RWDD4: variants seen among roughly 807,000 people sequenced by gnomAD.
The protein encoded by RWDD4 is RWD domain containing 4.
RWDD4 carries 16 observed loss-of-function variants against 30.0 expected under a neutral mutation model. The ratio of observed to expected loss-of-function variants is 0.53; its 90% CI spans 0.36 to 0.81. The LOEUF (loss-of-function observed/expected upper bound fraction) is 0.81, where lower values mean the gene tolerates loss of function less well. Among genes scored for constraint, RWDD4 ranks in the 30% least tolerant of loss-of-function variants. RWDD4 has a pLI of 0.00. For missense variants in RWDD4, 170 were observed against 223.9 expected (o/e 0.76, Z 1.54); for synonymous variants, 45 against 72.1 (o/e 0.62, Z 1.90).
chr4:183,651,064 C>T lies in RWDD4; in HGVS notation c.283G>A (p.Ala95Thr), dbSNP rs772846277. 8.7e-6 allele frequency: 14 copies of T among 1,613,684 alleles called. No homozygotes were observed. Among genetic ancestry groups the T allele is most frequent in the East Asian group, 2.2e-5 (1 of 44,864 alleles). ...QEAVEANLGT[A>T]MTYTLFEYAK... is the part of the protein sequence containing the mutation. ...TATTCAAACAATGTATAGGTCATAG[C>T]GGTTCCAAGATTAGCTTCTACTGCT... Residue 95 changes from alanine to threonine, a missense_variant, in exon 4 of 8, where the codon GCT becomes ACT. Ala to Thr is a moderately conservative substitution (Grantham distance 58). Coordinates refer to ENST00000326397, the MANE Select transcript of RWDD4 (RefSeq NM_152682.4).
At chr4:183,656,214 C>A in intron 1 of RWDD4, 1 of 287,224 alleles carries the variant, frequency 3.5e-6, no homozygotes, top group Non-Finnish European at 6.4e-6. Flanking sequence ...TCAAATCAAC[C>A]CTGTCAAGAG....
rs767892419 is a variant in RWDD4 at position 183,651,355 on chromosome 4, G to A, written c.106-28C>T. On this transcript the variant is annotated intron_variant, in intron 2 of 7. Transcript: ENST00000326397. ...GAAGAGAAGGGGAAATCTTAGGCTT[G>A]TAAAAGGTGATAAAAAGACAGAAAA... 6 of 1,527,468 alleles carry A rather than the reference G, an allele frequency of 3.9e-6. No individual in the cohort carries two copies. The Admixed American group carries it at 1.1e-4, about 27-fold the overall frequency. The allele number at this position is 1,527,468 out of a possible 1,614,324, so 94.6% of individuals were successfully genotyped here.
intron 1 of RWDD4, 130 bp from the exon 2 acceptor site, chr4:183,656,091 ACCAC>A: frequency 1.6e-6 from 1 of 620,610 alleles, no homozygotes; most frequent in South Asian, 2.0e-5. Flanking sequence ...TTAGATACTT[ACCAC>A]ATAGGTGCAT....
At position 183,642,435 on chromosome 4, in the gene RWDD4, C is replaced by T. The variant is rs552328486; in HGVS notation, c.535-967G>A. On this transcript the variant is annotated intron_variant, in intron 7 of 7. Transcript: ENST00000326397. ...CGATCTCCTGACCTCGTGATCCGCCCGCCTCGGCCTCCCAAAGTGCTGGGA... is the reference window on the plus strand; with the variant it reads ...CGATCTCCTGACCTCGTGATCCGCCTGCCTCGGCCTCCCAAAGTGCTGGGA... Among the ~76,000 whole-genome samples the T allele has an allele frequency of 1.3e-4, 11 of 85,268 alleles. 5 individuals are homozygous for T. Among genetic ancestry groups the T allele is most frequent in the South Asian group, 6.8e-4 (2 of 2,960 alleles). The allele number at this position is 85,268 out of a possible 152,430, so 55.9% of individuals were successfully genotyped here.
intron 7 of RWDD4, among the ~76,000 whole-genome samples, chr4:183,642,929 G>A (rs560383608): frequency 2.0e-5 from 3 of 151,174 alleles, no homozygotes; most frequent in Non-Finnish European, 3.0e-5. Flanking sequence ...CATGGTGGTG[G>A]GTGCCTGTAG....
intron 5 of RWDD4, 138 bp downstream of exon 5, chr4:183,649,313 C>CTGAGGCAGGAGAATCGCA (rs1198054139): frequency 1.8e-6 from 1 of 562,366 alleles, no homozygotes; most frequent in Non-Finnish European, 3.2e-6. Flanking sequence ...ACTCGGGAGG[C>CTGAGGCAGGAGAATCGCA]TGAGGCAGGA....
At chr4:183,643,449 C>CAAAAAAAAAAAAAAAAAAAAAA (rs1346905013) in intron 7 of RWDD4, among the ~76,000 whole-genome samples, 1 of 42,424 alleles carries the variant, frequency 2.4e-5, no homozygotes, top group Non-Finnish European at 5.1e-5. Flanking sequence ...AAAAAAAAAG[C>CAAAAAAAAAAAAAAAAAAAAAA]ATTTAAGGGC....
intron 5 of RWDD4, 69 bp downstream of exon 5, chr4:183,649,382 C>T (rs1297735488): frequency 2.9e-6 from 3 of 1,022,478 alleles, no homozygotes; most frequent in African/African-American, 3.2e-5. Context: ...CCACTGCACT[C>T]CAGCCTGGGC....
At chr4:183,650,319 TTC>T (rs1734049757) in intron 4 of RWDD4, among the ~76,000 whole-genome samples, 1 of 152,134 alleles carries the variant, frequency 6.6e-6, no homozygotes, top group Admixed American at 6.6e-5. Flanking sequence ...CCTCTTGGGG[TTC>T]TGTGTCCTGT....
intron 7 of RWDD4, among the ~76,000 whole-genome samples, chr4:183,644,784 A>AAAAAAG (rs1554003215): frequency 4.0e-5 from 6 of 148,878 alleles, no homozygotes; most frequent in African/African-American, 1.2e-4. Context: ...CTTCAAAAAA[A>AAAAAAG]AAAAGAAAAG....
intron 7 of RWDD4, among the ~76,000 whole-genome samples, chr4:183,642,903 C>G (rs1480649039): frequency 6.7e-6 from 1 of 148,934 alleles, no homozygotes; most frequent in Admixed American, 6.7e-5. Context: ...CTAAAAAATA[C>G]AAAAAATTAC....
At chr4:183,654,127 CG>C (rs981189870) in intron 2 of RWDD4, among the ~76,000 whole-genome samples, 8 of 151,976 alleles carry the variant, frequency 5.3e-5, no homozygotes, top group South Asian at 2.1e-4. Context: ...AAAAAATACA[CG>C]GGGGGAAATG....
intron 2 of RWDD4, among the ~76,000 whole-genome samples, chr4:183,654,188 A>G (rs1734138501): frequency 6.6e-6 from 1 of 152,196 alleles, no homozygotes; most frequent in African/African-American, 2.4e-5. Flanking sequence ...AAGTTTGGAG[A>G]CAGAAACAAA....
chr4:183,639,903 T>C lies in RWDD4; in HGVS notation c.*1533A>G, dbSNP rs936083617. The C allele has an allele frequency of 1.3e-5, 2 of 152,114 alleles. No homozygotes were observed. Among genetic ancestry groups the C allele is most frequent in the African/African-American group, 4.8e-5 (2 of 41,396 alleles). The allele number at this position is 152,114 out of a possible 1,614,324, so 9.4% of individuals were successfully genotyped here. ...TGTAATCTATGAGCCATAATAAGCC[T>C]GAACAATTTCAGTCTCTTCAGAGCA... On this transcript the variant is annotated 3_prime_UTR_variant, in exon 8 of 8. Coordinates refer to ENST00000326397, the MANE Select transcript of RWDD4 (RefSeq NM_152682.4).
intron 7 of RWDD4, among the ~76,000 whole-genome samples, chr4:183,645,439 T>C (rs578020476): frequency 1.3e-5 from 2 of 152,182 alleles, no homozygotes; most frequent in South Asian, 4.1e-4. Flanking sequence ...CTTGGTATGA[T>C]GAACAACCAC....
At chr4:183,646,317 A>G in intron 7 of RWDD4, 34 bp downstream of exon 7, 1 of 879,234 alleles carries the variant, frequency 1.1e-6, no homozygotes, top group Non-Finnish European at 1.9e-6. Context: ...TGCAGGGAAA[A>G]GAAGAATGTA....
chr4:183,656,551 A>ACAACATTTT (rs1734197768), intron 1 of RWDD4, among the ~76,000 whole-genome samples: 1 of 152,224 alleles, frequency 6.6e-6, no homozygotes, highest in African/African-American at 2.4e-5. Context: ...CATAGTTCTT[A>ACAACATTTT]GAACATTTTG....
At chr4:183,649,974 C>T (rs1133956) in intron 4 of RWDD4, among the ~76,000 whole-genome samples, 21 of 152,082 alleles carry the variant, frequency 1.4e-4, no homozygotes, top group Non-Finnish European at 2.2e-4. Flanking sequence ...AGAAAAATCA[C>T]GTGTGCCTAC....
At chr4:183,647,471 G>T (rs1316339945) in intron 5 of RWDD4, among the ~76,000 whole-genome samples, 14 of 152,100 alleles carry the variant, frequency 9.2e-5, no homozygotes, top group Admixed American at 9.2e-4. Context: ...ACCAATTTTG[G>T]TTAACTAAAA....
Sources: gnomAD v4.1 joint callset for allele counts (sites outside exome capture counted in the v4.1 genomes callset) on GRCh38, gnomAD v4.1.1 for gene constraint, MANE v1.5 for transcripts, NCBI Gene and HGNC (gene_info 2026-07-23, HGNC 2026-07-21) for gene names.